The following CDH18 variants were observed in gnomAD, a reference collection of about 807,000 sequenced individuals.
CDH18 encodes cadherin 18, also known as cadherin-18.
Under a neutral mutation model 67.9 loss-of-function variants are expected in CDH18, and 31 were observed. The observed-to-expected ratio is 0.46, with a 90% CI of 0.34 to 0.62. CDH18 has a LOEUF of 0.62. Among genes scored for constraint, CDH18 ranks in the 20% least tolerant of loss-of-function variants. The pLI, the probability that CDH18 is intolerant of heterozygous loss-of-function variation, is 0.01. For missense variants in CDH18, 890 were observed against 975.5 expected (o/e 0.91, Z 1.17); for synonymous variants, 362 against 347.2 (o/e 1.04, Z -0.48).
At chr5:19,546,447 G>C (rs567650931) in intron 8 of CDH18, among the ~76,000 whole-genome samples, 1 of 152,296 alleles carries the variant, frequency 6.6e-6, no homozygotes, top group South Asian at 2.1e-4. Flanking sequence ...AAACTCATGA[G>C]AAGGTGAAAA....
At chr5:19,727,414 G>A (rs1247248576) in intron 4 of CDH18, among the ~76,000 whole-genome samples, 3 of 152,158 alleles carry the variant, frequency 2.0e-5, no homozygotes, top group Admixed American at 6.5e-5. Flanking sequence ...ATATCAGGGC[G>A]ATGTGGCTAC....
chr5:20,330,080 T>C (rs754031723), intron 1 of CDH18, among the ~76,000 whole-genome samples: 94 of 152,088 alleles, frequency 6.2e-4, no homozygotes, highest in Non-Finnish European at 1.2e-3. Context: ...AAAAAATATA[T>C]GTTTTATCAT....
intron 1 of CDH18, among the ~76,000 whole-genome samples, chr5:20,448,068 A>G: frequency 6.6e-6 from 1 of 151,112 alleles, no homozygotes; most frequent in East Asian, 2.0e-4. Flanking sequence ...CCACCCCACA[A>G]CAGGCCCTGG....
At chr5:19,821,065 G>T (rs949317243) in intron 3 of CDH18, among the ~76,000 whole-genome samples, 2 of 152,142 alleles carry the variant, frequency 1.3e-5, no homozygotes, top group Admixed American at 6.5e-5. Context: ...TCTTACCTAC[G>T]AAGACTACAC....
chr5:19,687,836 T>C (rs1761320398), intron 5 of CDH18, among the ~76,000 whole-genome samples: 1 of 152,224 alleles, frequency 6.6e-6, no homozygotes, highest in South Asian at 2.1e-4. Flanking sequence ...AGGCTCTATC[T>C]GTCCACACCA....
intron 8 of CDH18, among the ~76,000 whole-genome samples, chr5:19,551,238 G>A (rs763292514): frequency 6.6e-6 from 1 of 152,126 alleles, no homozygotes; most frequent in Non-Finnish European, 1.5e-5. Context: ...GATATCAGAG[G>A]TAGTAACCTC....
At chr5:20,417,729 T>C (rs1308175332) in intron 1 of CDH18, among the ~76,000 whole-genome samples, 1 of 152,134 alleles carries the variant, frequency 6.6e-6, no homozygotes, top group Non-Finnish European at 1.5e-5. Flanking sequence ...TATGGTGCAC[T>C]GTATCATCAG....
At chr5:19,487,251 TAGAC>T (rs1248531050) in intron 11 of CDH18, among the ~76,000 whole-genome samples, 1 of 152,120 alleles carries the variant, frequency 6.6e-6, no homozygotes, top group African/African-American at 2.4e-5. Flanking sequence ...ATAGATTAGA[TAGAC>T]AAATATAGAC....
At chr5:19,614,559 A>T (rs1233320893) in intron 5 of CDH18, among the ~76,000 whole-genome samples, 1 of 152,158 alleles carries the variant, frequency 6.6e-6, no homozygotes, top group African/African-American at 2.4e-5. Flanking sequence ...CACTTGAAAA[A>T]AGTAAAGCTG....
intron 2 of CDH18, among the ~76,000 whole-genome samples, chr5:20,219,238 G>A (rs1317003135): frequency 6.6e-6 from 1 of 151,736 alleles, no homozygotes; most frequent in Non-Finnish European, 1.5e-5. Context: ...AGAAGAAATG[G>A]ATAAATTATT....
chr5:20,166,715 A>G (rs974971156), intron 2 of CDH18, among the ~76,000 whole-genome samples: 3 of 152,086 alleles, frequency 2.0e-5, no homozygotes, highest in Middle Eastern at 3.2e-3. Context: ...GATTAAGTCC[A>G]TGTTTCCTGA....
intron 2 of CDH18, among the ~76,000 whole-genome samples, chr5:20,128,823 T>C (rs968318753): frequency 1.3e-5 from 2 of 151,578 alleles, no homozygotes; most frequent in Admixed American, 1.3e-4. Context: ...TTTTAAGGAT[T>C]GATAGGACAC....
At chr5:19,935,374 A>G (rs748911249) in intron 2 of CDH18, among the ~76,000 whole-genome samples, 3 of 151,368 alleles carry the variant, frequency 2.0e-5, no homozygotes, top group Non-Finnish European at 4.4e-5. Flanking sequence ...TCACCAACAG[A>G]CCACTTATAT....
chr5:20,161,946 T>C (rs1735923051), intron 2 of CDH18, among the ~76,000 whole-genome samples: 1 of 152,184 alleles, frequency 6.6e-6, no homozygotes. Context: ...CAGTGATTTT[T>C]TTTTTCTTTC....
intron 1 of CDH18, among the ~76,000 whole-genome samples, chr5:20,410,665 T>C (rs1038846173): frequency 3.3e-5 from 5 of 151,236 alleles, no homozygotes; most frequent in African/African-American, 1.2e-4. Flanking sequence ...CCATTGAACA[T>C]AAAAAAGGAA....
intron 2 of CDH18, among the ~76,000 whole-genome samples, chr5:20,056,469 C>CTTTTTTTTTTT (rs1580139083): frequency 5.9e-5 from 1 of 16,988 alleles, no homozygotes; most frequent in Non-Finnish European, 1.4e-4. Flanking sequence ...TCTTTATTTT[C>CTTTTTTTTTTT]TTTCTTTTGT....
intron 1 of CDH18, among the ~76,000 whole-genome samples, chr5:20,408,976 AAAG>A (rs1171371169): frequency 6.6e-6 from 1 of 151,924 alleles, no homozygotes; most frequent in Non-Finnish European, 1.5e-5. Context: ...TGCAAGAGAC[AAAG>A]AAGGACATTA....
At chr5:20,500,246 A>G (rs953908763) in intron 1 of CDH18, among the ~76,000 whole-genome samples, 1 of 152,194 alleles carries the variant, frequency 6.6e-6, no homozygotes, top group Admixed American at 6.5e-5. Context: ...GGAGAAGTAC[A>G]TTTAAATAAC....
Position 20,136,672 on chromosome 5 carries a change from T to C in CDH18, c.-518+118772A>G, listed in dbSNP as rs563709768. ...ATTTTGCTCATTAGTCAGTGCAGTT[T>C]CTTTCTAGCATTGATGATTTTTACA... On this transcript the variant is annotated intron_variant, in intron 2 of 14. Transcript: ENST00000507958. Among the ~76,000 whole-genome samples, 6 of 152,318 alleles carry C rather than the reference T, an allele frequency of 3.9e-5. No homozygotes were observed. The South Asian group carries it at 1.2e-3, about 32-fold the overall frequency.
Sources: allele counts gnomAD v4.1 joint callset (sites outside exome capture counted in the v4.1 genomes callset), GRCh38; gene constraint gnomAD v4.1.1; transcripts MANE v1.5; gene names NCBI Gene and HGNC (gene_info 2026-07-23, HGNC 2026-07-21).